The following WDR59 variants were observed in gnomAD, a reference collection of about 807,000 sequenced individuals.
WDR59 encodes the protein GATOR2 complex protein WDR59.
Under a neutral mutation model 131.2 loss-of-function variants are expected in WDR59, and 100 were observed. The observed-to-expected ratio is 0.76, with a 90% CI of 0.65 to 0.90. WDR59 has a LOEUF of 0.90. Among genes scored for constraint, WDR59 ranks in the 40% least tolerant of loss-of-function variants. The pLI is 0.00. For missense variants in WDR59, 1,203 were observed against 1,262.2 expected (o/e 0.95, Z 0.71); for synonymous variants, 601 against 466.2 (o/e 1.29, Z -3.72).
At chr16:74,957,230 A>AC (rs2033337508) in intron 2 of WDR59, among the ~76,000 whole-genome samples, 1 of 151,720 alleles carries the variant, frequency 6.6e-6, no homozygotes, top group Non-Finnish European at 1.5e-5. Flanking sequence ...ACAGGCACCC[A>AC]CCATCACGCC....
At chr16:74,886,588 A>T in intron 23 of WDR59, 192 bp from the exon 24 acceptor site, 1 of 628,096 alleles carries the variant, frequency 1.6e-6, no homozygotes, top group Non-Finnish European at 2.5e-6. Flanking sequence ...ATTTATTACT[A>T]AGAGAACTTG....
intron 25 of WDR59, among the ~76,000 whole-genome samples, chr16:74,876,926 G>A (rs539330127): frequency 6.6e-6 from 1 of 152,122 alleles, no homozygotes; most frequent in African/African-American, 2.4e-5. Flanking sequence ...GAATATCCCT[G>A]ACAATCCACT....
chr16:74,909,796 T>C (rs776875347), intron 15 of WDR59, 26 bp downstream of exon 15: 6 of 1,602,346 alleles, frequency 3.7e-6, no homozygotes, highest in South Asian at 1.1e-5. Context: ...AAGCCTAAGT[T>C]GGTATGACAG....
chr16:74,898,248 G>C (rs1033980086), intron 18 of WDR59, among the ~76,000 whole-genome samples: 1 of 152,136 alleles, frequency 6.6e-6, no homozygotes, highest in African/African-American at 2.4e-5. Context: ...ACTGGGGAAG[G>C]GCGCCATGGT....
intron 1 of WDR59, among the ~76,000 whole-genome samples, chr16:74,984,064 G>A (rs1460782192): frequency 6.6e-6 from 1 of 151,936 alleles, no homozygotes; most frequent in Non-Finnish European, 1.5e-5. Context: ...ATCACCTGAG[G>A]TCAGGAGTTC....
At position 74,949,719 on chromosome 16, in the gene WDR59, T is replaced by G; in HGVS notation, c.406A>C (p.Lys136Gln). Reference protein sequence around the residue: ...VDTYIYIWDIKDTRKPTVALS... With the variant: ...VDTYIYIWDIQDTRKPTVALS... ...GTTATGCCTCCTAATTGTTCTTACTTGATATCCCAAATGTAGATGTAGGTG... is the reference window on the plus strand; with the variant it reads ...GTTATGCCTCCTAATTGTTCTTACTGGATATCCCAAATGTAGATGTAGGTG... Residue 136 changes from lysine (K) to glutamine (Q), a missense_variant and splice_region_variant, in exon 5 of 26, where the codon AAA (lysine) becomes CAA (glutamine). By Grantham distance (53) the Lys-to-Gln change is moderately conservative. Transcript: ENST00000262144. 6.2e-7 allele frequency: 1 copy of G among 1,613,558 alleles called. No individual in the cohort carries two copies. Among genetic ancestry groups the G allele is most frequent in the South Asian group, 1.1e-5 (1 of 91,058 alleles).
chr16:74,941,946 C>T (rs1249666512), intron 7 of WDR59, among the ~76,000 whole-genome samples: 2 of 152,126 alleles, frequency 1.3e-5, no homozygotes, highest in Non-Finnish European at 2.9e-5. Flanking sequence ...CCCCACAATG[C>T]CTGAGCATCT....
rs767925031 is a variant in WDR59 at position 74,917,992 on chromosome 16, T to G, written c.903A>C (p.Gln301His). 6.2e-7 allele frequency: 1 copy of G among 1,613,790 alleles called. No homozygotes were observed. Among genetic ancestry groups the G allele is most frequent in the Non-Finnish European group, 8.5e-7 (1 of 1,179,928 alleles). ...RKQKEGSKDY[Q>H]LVTWSRDQTL... is the part of the protein sequence containing the mutation. ...TCTGATCCCGGGACCACGTCACCAG[T>G]TGATAGTCCTTGGACCCTAGAAATC... is the stretch of plus-strand genomic sequence containing the variant. The change falls in exon 11 of 26, where the codon CAA (glutamine) becomes CAC (histidine). Residue 301 changes from glutamine to histidine, a missense_variant. Physicochemically the swap from Gln to His is conservative, Grantham distance 24 (BLOSUM62 0). Transcript: ENST00000262144.
chr16:74,946,096 G>C (rs1032378237), intron 6 of WDR59, among the ~76,000 whole-genome samples: 2 of 152,088 alleles, frequency 1.3e-5, no homozygotes, highest in Non-Finnish European at 2.9e-5. Context: ...TTACAGGCGT[G>C]AGCCACCACA....
chr16:74,982,947 G>C (rs1227588629), intron 1 of WDR59, among the ~76,000 whole-genome samples: 2 of 152,164 alleles, frequency 1.3e-5, no homozygotes, highest in African/African-American at 4.8e-5. Flanking sequence ...ACCTGTGCAT[G>C]GTATAGTGTA....
At chr16:74,928,188 G>A (rs1485430587) in intron 8 of WDR59, among the ~76,000 whole-genome samples, 9 of 147,126 alleles carry the variant, frequency 6.1e-5, no homozygotes. Flanking sequence ...TTACAGGTGT[G>A]AGCCACTGCA....
chr16:74,977,424 C>T (rs1010286173), intron 1 of WDR59, among the ~76,000 whole-genome samples: 4 of 152,148 alleles, frequency 2.6e-5, no homozygotes, highest in African/African-American at 7.2e-5. Context: ...CGCGGTGGCT[C>T]GCGTCTGTAA....
At chr16:74,940,173 G>A (rs2032103626) in intron 7 of WDR59, among the ~76,000 whole-genome samples, 1 of 152,046 alleles carries the variant, frequency 6.6e-6, no homozygotes, top group South Asian at 2.1e-4. Context: ...GAGGTCAGGA[G>A]TTCAAGACCA....
intron 25 of WDR59, among the ~76,000 whole-genome samples, chr16:74,881,773 T>C (rs1248012031): frequency 2.7e-5 from 4 of 148,512 alleles, no homozygotes; most frequent in Non-Finnish European, 5.9e-5. Context: ...CTCAGGAGGC[T>C]GAGGTAGGAG....
At chr16:74,921,826 C>T in intron 10 of WDR59, 121 bp downstream of exon 10, 2 of 1,287,622 alleles carry the variant, frequency 1.6e-6, no homozygotes, top group Non-Finnish European at 2.1e-6. Context: ...AGCCCTGGCT[C>T]TCTGGTTCCT....
chr16:74,919,145 C>G (rs1044880969), intron 10 of WDR59, among the ~76,000 whole-genome samples: 3 of 152,068 alleles, frequency 2.0e-5, no homozygotes, highest in Non-Finnish European at 4.4e-5. Context: ...CCTTTGCTTC[C>G]CCGACTCCCT....
chr16:74,960,568 A>T (rs1597799705), intron 2 of WDR59, among the ~76,000 whole-genome samples: 2 of 151,736 alleles, frequency 1.3e-5, no homozygotes, highest in African/African-American at 4.8e-5. Context: ...AACACAGCAA[A>T]ACCCCATCTC....
intron 10 of WDR59, among the ~76,000 whole-genome samples, chr16:74,920,003 C>T (rs1232421764): frequency 3.3e-5 from 5 of 149,506 alleles, no homozygotes; most frequent in African/African-American, 5.0e-5. Flanking sequence ...CCCAGGAGGT[C>T]GAGGCTGCAG....
rs1020525253 is a variant in WDR59, at chr16:74,871,450, A to G, written c.*2759T>C. On this transcript the variant is annotated 3_prime_UTR_variant, in exon 26 of 26. Coordinates refer to ENST00000262144, the MANE Select transcript of WDR59 (RefSeq NM_030581.4). ...AACCAACCTGTTTCCAAACATGAAT[A>G]TTTTAAAATATTAGACTTTTGTTCT... 1 of 152,242 alleles carries G rather than the reference A, an allele frequency of 6.6e-6. No homozygotes were observed. Among genetic ancestry groups the G allele is most frequent in the Non-Finnish European group, 1.5e-5 (1 of 68,044 alleles). 9.4% of individuals were successfully genotyped at this position (152,242 alleles called of 1,614,324 possible).
Sources: gnomAD v4.1 joint callset for allele counts (sites outside exome capture counted in the v4.1 genomes callset) on GRCh38, gnomAD v4.1.1 for gene constraint, MANE v1.5 for transcripts, NCBI Gene and HGNC (gene_info 2026-07-23, HGNC 2026-07-21) for gene names.